The following TENM3 variants were observed in gnomAD, a reference collection of about 807,000 sequenced individuals.
The protein encoded by TENM3 is teneurin transmembrane protein 3, also known as teneurin-3.
In TENM3, 63 loss-of-function variants were observed where a neutral mutation model predicts 255.1. That is an observed-to-expected ratio of 0.25 (90% confidence interval 0.20 to 0.30). The LOEUF is 0.30. Among genes scored for constraint, TENM3 ranks in the 10% least tolerant of loss-of-function variants. TENM3 has a pLI of 1.00. For synonymous variants in TENM3, 1,306 were observed against 1,322.3 expected, an observed-to-expected ratio of 0.99 and a Z score of 0.27; for missense variants, 2,929 against 3,461.1, an observed-to-expected ratio of 0.85 and a Z score of 3.86.
chr4:182,633,105 A>AT (rs1265654465), intron 5 of TENM3, among the ~76,000 whole-genome samples: 1 of 151,388 alleles, frequency 6.6e-6, no homozygotes, highest in Non-Finnish European at 1.5e-5. Context: ...AATTGTTTTT[A>AT]TTTTTTTGTA....
At chr4:182,530,476 T>C (rs1246974618) in intron 3 of TENM3, among the ~76,000 whole-genome samples, 1 of 152,182 alleles carries the variant, frequency 6.6e-6, no homozygotes, top group African/African-American at 2.4e-5. Flanking sequence ...GCTGCAGCAC[T>C]CTGTATTGCT....
chr4:182,140,494 G>T (rs1749319357), upstream of TENM3, among the ~76,000 whole-genome samples: 1 of 151,390 alleles, frequency 6.6e-6, no homozygotes, highest in African/African-American at 2.4e-5. Flanking sequence ...GCAGCAACTG[G>T]GTTTGAACCC....
chr4:181,539,324 AT>A, the TENM3 span, among the ~76,000 whole-genome samples: 1 of 152,224 alleles, frequency 6.6e-6, no homozygotes, highest in Non-Finnish European at 1.5e-5. Flanking sequence ...TTAAAATTAA[AT>A]TTACTTGATA....
At chr4:182,180,361 A>G (rs1241833083) in intron 1 of TENM3, among the ~76,000 whole-genome samples, 1 of 152,134 alleles carries the variant, frequency 6.6e-6, no homozygotes. Flanking sequence ...CCTAGTTAAT[A>G]TGATGTTTAT....
chr4:182,382,628 C>T (rs1472894201), intron 3 of TENM3, among the ~76,000 whole-genome samples: 1 of 152,138 alleles, frequency 6.6e-6, no homozygotes, highest in Non-Finnish European at 1.5e-5. Flanking sequence ...CTCTAGGCAT[C>T]AGGTCCGGGG....
At chr4:182,280,006 A>T (rs1212392355) in intron 1 of TENM3, among the ~76,000 whole-genome samples, 3 of 152,202 alleles carry the variant, frequency 2.0e-5, no homozygotes, top group African/African-American at 7.2e-5. Context: ...GAGCACCTCC[A>T]TGGCCAGATA....
intron 1 of TENM3, among the ~76,000 whole-genome samples, chr4:182,255,324 C>T (rs374591062): frequency 9.2e-5 from 14 of 152,166 alleles, no homozygotes; most frequent in Admixed American, 2.0e-4. Flanking sequence ...TTTTTAAACA[C>T]GTAATGGATG....
At chr4:182,088,148 C>A in the TENM3 span, among the ~76,000 whole-genome samples, 1 of 152,140 alleles carries the variant, frequency 6.6e-6, no homozygotes, top group Admixed American at 6.5e-5. Flanking sequence ...TCCAGTGAAT[C>A]CAAGCAAAAC....
intron 1 of TENM3, among the ~76,000 whole-genome samples, chr4:182,257,899 C>T (rs1173295384): frequency 6.6e-6 from 1 of 152,164 alleles, no homozygotes; most frequent in Non-Finnish European, 1.5e-5. Flanking sequence ...CCATTTATAT[C>T]ATACTGCCTT....
the TENM3 span, among the ~76,000 whole-genome samples, chr4:181,895,910 G>T: frequency 1.3e-5 from 2 of 151,976 alleles, no homozygotes; most frequent in Non-Finnish European, 1.5e-5. Context: ...TTTTAATTGT[G>T]TCTCCATTGG....
At chr4:181,925,526 A>G in the TENM3 span, among the ~76,000 whole-genome samples, 1 of 152,232 alleles carries the variant, frequency 6.6e-6, no homozygotes, top group East Asian at 1.9e-4. Context: ...TAAAAATGAA[A>G]ATACTATTTT....
chr4:182,006,234 T>C, the TENM3 span, among the ~76,000 whole-genome samples: 1 of 152,012 alleles, frequency 6.6e-6, no homozygotes, highest in Non-Finnish European at 1.5e-5. Flanking sequence ...TTTTAAGATA[T>C]GTCCCACCAA....
intron 16 of TENM3, 67 bp from the exon 17 acceptor site, chr4:182,736,741 A>G (rs1761202134): frequency 7.2e-7 from 1 of 1,393,804 alleles, no homozygotes; most frequent in Non-Finnish European, 9.7e-7. Flanking sequence ...TATGTGCTAC[A>G]TAAATATATT....
At chr4:181,647,997 C>G in the TENM3 span, among the ~76,000 whole-genome samples, 4 of 152,078 alleles carry the variant, frequency 2.6e-5, no homozygotes, top group Non-Finnish European at 5.9e-5. Flanking sequence ...AACAGGGACG[C>G]TCAACTCGAC....
the TENM3 span, among the ~76,000 whole-genome samples, chr4:181,572,257 A>AGG: frequency 1.3e-5 from 2 of 152,192 alleles, no homozygotes; most frequent in Admixed American, 1.3e-4. Context: ...ATGAGAAGAA[A>AGG]CCTGTCAAGA....
rs553366882 is a variant in TENM3 at position 182,432,987 on chromosome 4, A to G, written c.511+86058A>G. Among the ~76,000 whole-genome samples, 16 of 152,212 alleles carry G rather than the reference A, an allele frequency of 1.1e-4. 1 individual carries two copies. The East Asian group carries it at 3.1e-3, about 29-fold the overall frequency. On this transcript the variant is annotated intron_variant, in intron 3 of 27. Coordinates refer to ENST00000511685, the MANE Select transcript of TENM3 (RefSeq NM_001080477.4). ...CAGGCTTGAGCCACTGTGCCTGGCC[A>G]GGAAGTGAATAGGATCCTATTTTTA... is the stretch of plus-strand genomic sequence containing the variant.
intron 1 of TENM3, chr4:182,169,389 A>G (rs1751954574): frequency 2.2e-6 from 1 of 448,898 alleles, no homozygotes; most frequent in Non-Finnish European, 4.5e-6. Flanking sequence ...CAAAAATTCA[A>G]GTAAAAATCT....
At chr4:182,360,999 A>C (rs1371930477) in intron 3 of TENM3, among the ~76,000 whole-genome samples, 3 of 152,140 alleles carry the variant, frequency 2.0e-5, no homozygotes, top group Non-Finnish European at 4.4e-5. Context: ...TTGGCTGGAT[A>C]TGAAATTCTG....
At chr4:182,550,184 C>T (rs1290298503) in intron 3 of TENM3, among the ~76,000 whole-genome samples, 1 of 152,094 alleles carries the variant, frequency 6.6e-6, no homozygotes, top group African/African-American at 2.4e-5. Flanking sequence ...GGTTTGAGAA[C>T]AGAAAATAGC....
Sources: gnomAD v4.1 joint callset for allele counts (sites outside exome capture counted in the v4.1 genomes callset) on GRCh38, gnomAD v4.1.1 for gene constraint, MANE v1.5 for transcripts, NCBI Gene and HGNC (gene_info 2026-07-23, HGNC 2026-07-21) for gene names.